COL4A1: variants seen among roughly 807,000 people sequenced by gnomAD.
COL4A1 encodes the protein collagen type IV alpha 1 chain, also known as collagen alpha-1(IV) chain.
In COL4A1, 40 loss-of-function variants were observed where a neutral mutation model predicts 216.6. The ratio of observed to expected loss-of-function variants is 0.18; its 90% CI spans 0.14 to 0.24. The LOEUF is 0.24. Among genes scored for constraint, COL4A1 ranks in the 10% least tolerant of loss-of-function variants. COL4A1 has a pLI of 1.00. For missense variants in COL4A1, 1,628 were observed against 2,196.8 expected (o/e 0.74, Z 5.18); for synonymous variants, 839 against 810.7 (o/e 1.03, Z -0.59).
chr13:110,226,272 T>C (rs142933127), intron 2 of COL4A1, among the ~76,000 whole-genome samples: 100 of 152,336 alleles, frequency 6.6e-4, no homozygotes, highest in African/African-American at 2.4e-3. Context: ...TTTGTGTTTT[T>C]TCCTTAATAA....
intron 2 of COL4A1, among the ~76,000 whole-genome samples, chr13:110,230,073 A>C (rs1006158860): frequency 4.5e-4 from 68 of 152,250 alleles, no homozygotes; most frequent in African/African-American, 1.6e-3. Flanking sequence ...AAAAAGGAGC[A>C]GAACCAAGCC....
intron 2 of COL4A1, among the ~76,000 whole-genome samples, chr13:110,231,652 C>A (rs1002803917): frequency 2.0e-5 from 3 of 152,292 alleles, no homozygotes; most frequent in African/African-American, 7.2e-5. Flanking sequence ...CTGGCCACTA[C>A]CCAGGCCCAC....
chr13:110,183,394 G>A (rs368522100), intron 26 of COL4A1, 118 bp from the exon 27 acceptor site: 19 of 914,246 alleles, frequency 2.1e-5, no homozygotes, highest in East Asian at 1.6e-4. Context: ...CGAGTGCCCG[G>A]AGAGCAGAGC....
At chr13:110,265,673 C>T (rs1883000718) in intron 1 of COL4A1, 1 of 152,234 alleles carries the variant, frequency 6.6e-6, no homozygotes, top group African/African-American at 2.4e-5. Context: ...TATGCACATC[C>T]TATGAGGAAA....
chr13:110,268,153 C>G lies in COL4A1; in HGVS notation c.85-25419G>C, dbSNP rs1324465539. On this transcript the variant is annotated intron_variant, in intron 1 of 51. Transcript: ENST00000375820. This position sits in a 1 kb window ranked among gnomAD's most constrained non-coding sequence, Gnocchi z 4.1. Reference sequence around the variant, plus strand: ...AAGACATTCACTGGCCTCAGTCAACCCCTAGCATATAAAGACAAGGGGCCA... The same window carrying G: ...AAGACATTCACTGGCCTCAGTCAACGCCTAGCATATAAAGACAAGGGGCCA... Among the ~76,000 whole-genome samples, 1 of 152,174 alleles carries G rather than the reference C, an allele frequency of 6.6e-6. No individual in the cohort carries two copies. Among genetic ancestry groups the G allele is most frequent in the African/African-American group, 2.4e-5 (1 of 41,432 alleles).
At chr13:110,267,623 G>C (rs1243277843) in intron 1 of COL4A1, among the ~76,000 whole-genome samples, 1 of 152,164 alleles carries the variant, frequency 6.6e-6, no homozygotes, top group Non-Finnish European at 1.5e-5. Context: ...CAGGTTTTCA[G>C]TGACACGAGT....
At position 110,172,725 on chromosome 13, in the gene COL4A1, T is replaced by G; in HGVS notation, c.3551A>C (p.Asp1184Ala). The G allele has an allele frequency of 6.2e-7, 1 of 1,613,894 alleles. No homozygotes were observed. Among genetic ancestry groups the G allele is most frequent in the Non-Finnish European group, 8.5e-7 (1 of 1,179,796 alleles). ...GFPGFPGAKG[D>A]KGSKGEVGFP... ...GCACAGTGAGCAAAGATTACCTTTGTCTCCTTTGGCCCCTGGAAACCCTGG... is the reference window on the plus strand; with the variant it reads ...GCACAGTGAGCAAAGATTACCTTTGGCTCCTTTGGCCCCTGGAAACCCTGG... The change falls in exon 41 of 52, where the codon GAC (aspartate) becomes GCC (alanine). Residue 1184 changes from aspartate (D) to alanine (A), a missense_variant. By Grantham distance (126) the Asp-to-Ala change is moderately radical. This residue lies in a region of COL4A1 where 345 missense variants were observed against 476.9 expected (regional missense o/e 0.72). Coordinates refer to ENST00000375820, the MANE Select transcript of COL4A1 (RefSeq NM_001845.6).
chr13:110,247,947 G>T (rs1163072321), intron 1 of COL4A1, among the ~76,000 whole-genome samples: 1 of 149,176 alleles, frequency 6.7e-6, no homozygotes, highest in African/African-American at 2.4e-5. Flanking sequence ...ACAGGATGAG[G>T]TCCTCAATTT....
intron 20 of COL4A1, among the ~76,000 whole-genome samples, chr13:110,199,320 C>T (rs145838169): frequency 2.5e-4 from 38 of 152,162 alleles, no homozygotes; most frequent in Non-Finnish European, 3.7e-4. Flanking sequence ...AAAGGACAGT[C>T]GAGGGAAACA....
At chr13:110,167,484 G>A (rs573954491) in intron 43 of COL4A1, among the ~76,000 whole-genome samples, 3 of 152,218 alleles carry the variant, frequency 2.0e-5, no homozygotes, top group Non-Finnish European at 2.9e-5. Context: ...CAGGGGAAGC[G>A]CCTGAGGAGC....
rs1351516246 is a variant in COL4A1 at position 110,174,839 on chromosome 13, G to A, written c.3199-90C>T. The A allele has an allele frequency of 4.0e-6, 5 of 1,238,530 alleles. No homozygotes were observed. The East Asian group carries it at 1.2e-4, about 29-fold the overall frequency. The allele number at this position is 1,238,530 out of a possible 1,614,324, so 76.7% of individuals were successfully genotyped here. A position where few individuals can be genotyped will look rare whatever the true frequency, so the allele number is the denominator to read the frequency against. ...TATAGATAATGGTATACATTTTGGT[G>A]CAATGAATATTGCATTGCAAAACTC... On this transcript the variant is annotated intron_variant, in intron 37 of 51. Transcript: ENST00000375820.
chr13:110,196,931 C>T (rs1218062753), intron 21 of COL4A1, among the ~76,000 whole-genome samples: 2 of 152,060 alleles, frequency 1.3e-5, no homozygotes, highest in South Asian at 2.1e-4. Flanking sequence ...AATTATTACT[C>T]GATACTCTGT....
At chr13:110,175,380 C>T in intron 36 of COL4A1, 23 bp from the exon 37 acceptor site, 1 of 1,614,022 alleles carries the variant, frequency 6.2e-7, no homozygotes. Context: ...ACAATTGAAA[C>T]TTGATTTGGG....
chr13:110,274,597 G>A (rs187506392), intron 1 of COL4A1, among the ~76,000 whole-genome samples: 5 of 152,286 alleles, frequency 3.3e-5, no homozygotes, highest in Admixed American at 3.3e-4. Flanking sequence ...GTGAAAGGAT[G>A]CGGCAGGCAC....
At chr13:110,241,906 C>G (rs566522983) in intron 2 of COL4A1, among the ~76,000 whole-genome samples, 1 of 152,208 alleles carries the variant, frequency 6.6e-6, no homozygotes, top group African/African-American at 2.4e-5. Context: ...ACAGAGTATC[C>G]ACTCCATTCT....
At position 110,161,447 on chromosome 13, in the gene COL4A1, G is replaced by A. The variant is rs1310713151; in HGVS notation, c.4463-78C>T. ...TCTCTATGTAAAGTGGATTTCAGCT[G>A]GACAACAAGCAAAAACATATAATCA... On this transcript the variant is annotated intron_variant, in intron 48 of 51. Transcript: ENST00000375820. 2.4e-5 allele frequency: 35 copies of A among 1,471,962 alleles called. No homozygotes were observed. In the Admixed American group the frequency reaches 2.7e-4, roughly 12 times the overall value. 91.2% of individuals were successfully genotyped at this position (1,471,962 alleles called of 1,614,324 possible). A position where few individuals can be genotyped will look rare whatever the true frequency, so the allele number is the denominator to read the frequency against.
At chr13:110,172,145 T>G (rs1877674145) in intron 41 of COL4A1, among the ~76,000 whole-genome samples, 1 of 152,248 alleles carries the variant, frequency 6.6e-6, no homozygotes, top group South Asian at 2.1e-4. Flanking sequence ...GGATGCTGTG[T>G]GTGAGCTCCT....
intron 1 of COL4A1, among the ~76,000 whole-genome samples, chr13:110,257,159 G>C (rs2139272329): frequency 6.6e-6 from 1 of 152,210 alleles, no homozygotes; most frequent in Non-Finnish European, 1.5e-5. Flanking sequence ...CACCTTCTAA[G>C]GATAATATTA....
rs1344055907 is a variant in COL4A1 at position 110,177,153 on chromosome 13, T to A, written c.2717-116A>T. On this transcript the variant is annotated intron_variant, in intron 33 of 51. Transcript: ENST00000375820. ...TGGCAAAAAGGCTACAAAGCACTCA[T>A]AACTTGTCCAAAATGGCATTAATGG... 8 of 1,531,466 alleles carry A rather than the reference T, an allele frequency of 5.2e-6. No individual in the cohort carries two copies. The African/African-American group carries it at 6.8e-5, about 13-fold the overall frequency. The allele number at this position is 1,531,466 out of a possible 1,614,324, so 94.9% of individuals were successfully genotyped here.
Sources: allele counts gnomAD v4.1 joint callset (sites outside exome capture counted in the v4.1 genomes callset), GRCh38; gene constraint gnomAD v4.1.1; regional missense constraint gnomAD v4.1.1; non-coding constraint Gnocchi (gnomAD v3.1); transcripts MANE v1.5; gene names NCBI Gene and HGNC (gene_info 2026-07-23, HGNC 2026-07-21).